The following PPIL2 variants were observed in gnomAD, a reference collection of about 807,000 sequenced individuals.
The protein encoded by PPIL2 is peptidylprolyl isomerase like 2.
Under a neutral mutation model 75.2 loss-of-function variants are expected in PPIL2, and 50 were observed. That is an observed-to-expected ratio of 0.66 (90% CI 0.53 to 0.84). PPIL2 has a LOEUF of 0.84. PPIL2 is among the 40% of genes least tolerant of loss of function. The probability of loss-of-function intolerance (pLI) is 0.00; values close to 1 mark genes in which losing one functional copy is unlikely to be tolerated. For missense variants in PPIL2, 590 were observed against 685.0 expected, an observed-to-expected ratio of 0.86 and a Z score of 1.55; for synonymous variants, 245 against 258.8, an observed-to-expected ratio of 0.95 and a Z score of 0.51.
At position 21,682,527 on chromosome 22, in the gene PPIL2, G is replaced by T; in HGVS notation, c.477+1G>T. The T allele has an allele frequency of 6.3e-7, 1 of 1,585,422 alleles. No individual in the cohort carries two copies. The highest frequency in any genetic ancestry group is 8.6e-7 in the Non-Finnish European group (1 of 1,167,108). ...CCGGCAGGACATCATCACCCTCCAG[G>T]TGAGTGTCCCCTGCCTGCCTGCCCC... On this transcript the variant is annotated splice_donor_variant, in intron 8 of 19. Transcript: ENST00000398831. LOFTEE classifies it high-confidence loss of function.
At position 21,684,918 on chromosome 22, in the gene PPIL2, G is replaced by A; in HGVS notation, c.714+5G>A. On this transcript the variant is annotated splice_donor_5th_base_variant and intron_variant, in intron 10 of 19. Coordinates refer to ENST00000398831, the MANE Select transcript of PPIL2 (RefSeq NM_014337.4). Reference sequence around the variant, plus strand: ...AAAGTGGACAAGCTGAACGCTGTGAGTGGCGGAGGGCACTCGGCCAAGCCC... The same window carrying A: ...AAAGTGGACAAGCTGAACGCTGTGAATGGCGGAGGGCACTCGGCCAAGCCC... 2 of 1,613,690 alleles carry A rather than the reference G, an allele frequency of 1.2e-6. No individual in the cohort carries two copies. Among genetic ancestry groups the A allele is most frequent in the Non-Finnish European group, 1.7e-6 (2 of 1,179,662 alleles).
intron 1 of PPIL2, among the ~76,000 whole-genome samples, chr22:21,668,812 T>A (rs409153): frequency 6.8e-6 from 1 of 147,400 alleles, no homozygotes; most frequent in Non-Finnish European, 1.5e-5. Context: ...CCCGGGTTCA[T>A]GCCATTCTCC....
rs751604224 is a variant in PPIL2, at chr22:21,672,294, A to G, written c.192-36A>G. 2.5e-6 allele frequency: 4 copies of G among 1,583,540 alleles called. No individual in the cohort carries two copies. In the South Asian group the frequency reaches 4.4e-5, roughly 18 times the overall value. On this transcript the variant is annotated intron_variant, in intron 4 of 19. Coordinates refer to ENST00000398831, the MANE Select transcript of PPIL2 (RefSeq NM_014337.4). The stretch of plus-strand genomic sequence containing the variant: ...TGTTGTTACCAGGTGGCGCCTAAGC[A>G]CCCTGGTGATGCTTTCTGTTCTGTC...
intron 4 of PPIL2, 37 bp from the exon 5 acceptor site, chr22:21,672,293 C>T: frequency 6.3e-7 from 1 of 1,583,422 alleles, no homozygotes; most frequent in Non-Finnish European, 8.7e-7. Flanking sequence ...GGCGCCTAAG[C>T]ACCCTGGTGA....
intron 3 of PPIL2, 166 bp downstream of exon 3, chr22:21,670,777 G>A: frequency 1.1e-6 from 1 of 899,828 alleles, no homozygotes; most frequent in South Asian, 1.5e-5. Flanking sequence ...ATGATGTTAG[G>A]AGCTTGCCTT....
At position 21,697,043 on chromosome 22, in the gene PPIL2, T is replaced by A. The variant is rs543104495; in HGVS notation, c.*1553T>A. 1.3e-6 allele frequency: 2 copies of A among 1,513,690 alleles called. No individual in the cohort carries two copies. Among genetic ancestry groups the A allele is most frequent in the East Asian group, 4.9e-5 (2 of 40,888 alleles). The allele number at this position is 1,513,690 out of a possible 1,614,324, so 93.8% of individuals were successfully genotyped here. The stretch of plus-strand genomic sequence containing the variant: ...AGCCTGTCATCCCTGTCTGTGACCA[T>A]TGGTCGGGCCCCTGGGCTCTAGAGT... On this transcript the variant is annotated 3_prime_UTR_variant, in exon 20 of 20. Transcript: ENST00000398831.
chr22:21,688,761 A>G lies in PPIL2; in HGVS notation c.1051A>G (p.Lys351Glu). The change falls in exon 15 of 20, where the codon AAA becomes GAA. Residue 351 changes from lysine (K) to glutamate (E), a missense_variant. Coordinates refer to ENST00000398831, the MANE Select transcript of PPIL2 (RefSeq NM_014337.4). ...GGAGTCATACTGGGGGAAGCCCTTC[A>G]AAGACGAGTTCCGGCCCAACCTCTC... ...GGESYWGKPFKDEFRPNLSHT... is the reference protein window; with the variant it reads ...GGESYWGKPFEDEFRPNLSHT... The G allele has an allele frequency of 6.2e-7, 1 of 1,614,202 alleles. No homozygotes were observed. Among genetic ancestry groups the G allele is most frequent in the Non-Finnish European group, 8.5e-7 (1 of 1,180,016 alleles).
chr22:21,686,398 G>A, intron 10 of PPIL2, 85 bp from the exon 11 acceptor site: 1 of 1,317,568 alleles, frequency 7.6e-7, no homozygotes. Context: ...GGGGTGGCGT[G>A]TGGTTGGCTT....
At chr22:21,683,103 T>C in intron 8 of PPIL2, 79 bp from the exon 9 acceptor site, 3 of 1,233,604 alleles carry the variant, frequency 2.4e-6, no homozygotes, top group Non-Finnish European at 3.6e-6. Context: ...CTCTGACAGC[T>C]GGCCGTCCTT....
In PPIL2 at chr22:21,672,038, G is replaced by A. The variant is rs143411479; in HGVS notation, c.192-292G>A. On this transcript the variant is annotated intron_variant, in intron 4 of 19. Transcript: ENST00000398831. ...TGCACTCCAGCCTGAGTGACAAGGC[G>A]AAACCTTGTCTCAAAGAAAAAAAAC... 4.9e-3 allele frequency among the ~76,000 whole-genome samples: 752 copies of A among 152,174 alleles called. 4 individuals carry two copies. Among genetic ancestry groups the A allele is most frequent in the African/African-American group, 0.017 (689 of 41,508 alleles).
intron 15 of PPIL2, among the ~76,000 whole-genome samples, chr22:21,691,294 C>G (rs2067622226): frequency 6.6e-6 from 1 of 152,054 alleles, no homozygotes; most frequent in Non-Finnish European, 1.5e-5. Context: ...CAACTGTTGC[C>G]AAAGGTTTGC....
At chr22:21,694,212 G>A (rs182173066) in intron 16 of PPIL2, among the ~76,000 whole-genome samples, 8 of 152,290 alleles carry the variant, frequency 5.3e-5, no homozygotes, top group Admixed American at 1.3e-4. Context: ...TGTGGGCCAC[G>A]TGGTCTCTGA....
intron 15 of PPIL2, among the ~76,000 whole-genome samples, chr22:21,693,232 G>A (rs186850046): frequency 8.0e-4 from 122 of 152,170 alleles, no homozygotes; most frequent in African/African-American, 2.9e-3. Flanking sequence ...ATTTTTAATA[G>A]GGACAGGGTT....
At position 21,670,612 on chromosome 22, in the gene PPIL2, G is replaced by T; in HGVS notation, c.128+1G>T. On this transcript the variant is annotated splice_donor_variant, in intron 3 of 19. Transcript: ENST00000398831. LOFTEE classifies it high-confidence loss of function. ...GTCGTTTACCTTTTGACCACTGCAG[G>T]TAAGAGTTTTGCGAGTTTACCTTTC... 6.2e-7 allele frequency: 1 copy of T among 1,609,336 alleles called. No individual in the cohort carries two copies. Among genetic ancestry groups the T allele is most frequent in the Non-Finnish European group, 8.5e-7 (1 of 1,175,688 alleles).
At chr22:21,666,282 T>A in intron 1 of PPIL2, 151 bp downstream of exon 1, 2 of 955,930 alleles carry the variant, frequency 2.1e-6, no homozygotes, top group Non-Finnish European at 1.5e-6. Flanking sequence ...CTGTCTCCAG[T>A]CAGGGTAATG....
downstream of PPIL2, chr22:21,698,381 A>G (rs1401625977): frequency 6.6e-6 from 1 of 152,356 alleles, no homozygotes; most frequent in Non-Finnish European, 1.5e-5. Flanking sequence ...GAACTTGCCC[A>G]AAACAGAAAA....
intron 12 of PPIL2, 115 bp from the exon 13 acceptor site, chr22:21,687,528 G>C (rs2067421350): frequency 1.3e-6 from 1 of 757,362 alleles, no homozygotes; most frequent in Non-Finnish European, 2.1e-6. Context: ...ACTCCAGCCT[G>C]GGCAACAGCA....
intron 6 of PPIL2, among the ~76,000 whole-genome samples, chr22:21,676,093 G>A (rs925736851): frequency 2.0e-5 from 3 of 152,164 alleles, no homozygotes; most frequent in Non-Finnish European, 4.4e-5. Context: ...CTTTTGCCCC[G>A]CTTGTCTGAG....
intron 16 of PPIL2, 33 bp from the exon 17 acceptor site, chr22:21,694,560 A>G: frequency 6.2e-7 from 1 of 1,611,516 alleles, no homozygotes; most frequent in Non-Finnish European, 8.5e-7. Flanking sequence ...CTCCTTGAGC[A>G]CACGCAGACC....
Sources: allele counts gnomAD v4.1 joint callset (sites outside exome capture counted in the v4.1 genomes callset), GRCh38; gene constraint gnomAD v4.1.1; transcripts MANE v1.5; gene names NCBI Gene and HGNC (gene_info 2026-07-23, HGNC 2026-07-21).